PHKA1: variants seen among roughly 807,000 people sequenced by gnomAD.
The protein encoded by PHKA1 is phosphorylase b kinase regulatory subunit alpha, skeletal muscle isoform.
Under a neutral mutation model 110.2 loss-of-function variants are expected in PHKA1, and 60 were observed. That is an observed-to-expected ratio of 0.54 (90% CI 0.44 to 0.68). PHKA1 has a LOEUF of 0.68. Among genes scored for constraint, PHKA1 ranks in the 30% least tolerant of loss-of-function variants. The probability of loss-of-function intolerance (pLI) is 0.00; values close to 1 mark genes in which losing one functional copy is unlikely to be tolerated. For synonymous variants in PHKA1, 316 were observed against 333.6 expected, an observed-to-expected ratio of 0.95 and a Z score of 0.58; for missense variants, 801 against 942.5, an observed-to-expected ratio of 0.85 and a Z score of 1.97.
chrX:72,641,793 G>A (rs1429792107), intron 14 of PHKA1, among the ~76,000 whole-genome samples: 2 of 111,242 alleles, frequency 1.8e-5, no homozygotes, highest in East Asian at 5.6e-4. Flanking sequence ...TGAAACTGTT[G>A]CAATAATAGA....
intron 28 of PHKA1, chrX:72,593,517 AT>A: frequency 3.1e-6 from 1 of 322,415 alleles, no homozygotes; most frequent in Non-Finnish European, 5.5e-6. Context: ...AACTTTTTGT[AT>A]TTTTAGTAGA....
intron 6 of PHKA1, among the ~76,000 whole-genome samples, chrX:72,669,743 G>T (rs1315190891): frequency 9.1e-6 from 1 of 109,978 alleles, no homozygotes; most frequent in Non-Finnish European, 1.9e-5. Context: ...GTATTCCATG[G>T]TGTATATGTG....
chrX:72,656,098 A>T (rs1177606617), intron 10 of PHKA1, 22 bp downstream of exon 10: 1 of 1,207,975 alleles, frequency 8.3e-7, no homozygotes, highest in African/African-American at 1.7e-5. Context: ...TTCTGCTGAA[A>T]ACTCTTTCCC....
At chrX:72,704,820 G>A (rs1556331647) in intron 3 of PHKA1, among the ~76,000 whole-genome samples, 1 of 111,745 alleles carries the variant, frequency 8.9e-6, no homozygotes, top group East Asian at 2.8e-4. Flanking sequence ...CGAACTTATG[G>A]ACTCAAGCAA....
At chrX:72,627,728 T>G (rs1251685011) in intron 16 of PHKA1, among the ~76,000 whole-genome samples, 1 of 110,942 alleles carries the variant, frequency 9.0e-6, no homozygotes, top group Non-Finnish European at 1.9e-5. Flanking sequence ...ACTAAGTAAA[T>G]TTACAGAGAC....
chrX:72,650,445 A>C lies in PHKA1; in HGVS notation c.1269T>G (p.Ile423Met), dbSNP rs1556298623. 8.3e-7 allele frequency: 1 copy of C among 1,208,695 alleles called. No individual in the cohort carries two copies. The highest frequency in any genetic ancestry group is 1.7e-5 in the African/African-American group (1 of 57,775). ...MAEGFLAPGE[I>M]DPLNRRFSTV... ...TAGAAAACCTGCGATTCAGGGGATC[A>C]ATTTCTCCAGGGGCTAAAAATCCCT... The change falls in exon 13 of 32, where the codon ATT (isoleucine) becomes ATG (methionine). Residue 423 changes from isoleucine (I) to methionine (M), a missense_variant. Coordinates refer to ENST00000373542, the MANE Select transcript of PHKA1 (RefSeq NM_002637.4).
Position 72,580,659 on chromosome X carries a change from C to A in PHKA1, c.*343G>T. ...AATAAGTTATTATTAACACTTGCTC[C>A]CCAAACAGGAGTTAGAAAACTATAT... On this transcript the variant is annotated 3_prime_UTR_variant, in exon 32 of 32. Coordinates refer to ENST00000373542, the MANE Select transcript of PHKA1 (RefSeq NM_002637.4). The A allele has an allele frequency of 3.8e-6, 1 of 262,207 alleles. No homozygotes were observed. Among genetic ancestry groups the A allele is most frequent in the Non-Finnish European group, 6.7e-6 (1 of 148,561 alleles). The allele number at this position is 262,207 out of a possible 1,213,427, so 21.6% of individuals were successfully genotyped here.
chrX:72,639,159 T>C (rs1333978147), intron 14 of PHKA1, among the ~76,000 whole-genome samples: 2 of 112,374 alleles, frequency 1.8e-5, no homozygotes, highest in Admixed American at 1.9e-4. Flanking sequence ...GTACTTCTAA[T>C]TGTTGTTTTG....
At chrX:72,630,999 GTTT>G (rs146161152) in intron 16 of PHKA1, among the ~76,000 whole-genome samples, 11 of 44,669 alleles carry the variant, frequency 2.5e-4, no homozygotes, top group Admixed American at 9.8e-4. Flanking sequence ...ATTTTTTCAG[GTTT>G]TTTTTTTTTT....
chrX:72,674,139 T>C (rs1238917030), intron 6 of PHKA1, among the ~76,000 whole-genome samples: 37 of 110,291 alleles, frequency 3.4e-4, no homozygotes, highest in African/African-American at 9.9e-4. Context: ...CATGAACTCA[T>C]CATTTTTTAT....
At chrX:72,616,940 A>G (rs1556270143) in intron 21 of PHKA1, among the ~76,000 whole-genome samples, 1 of 112,187 alleles carries the variant, frequency 8.9e-6, no homozygotes, top group African/African-American at 3.2e-5. Flanking sequence ...AATTACAAAA[A>G]TTTCTTTTGG....
chrX:72,634,353 G>A lies in PHKA1; in HGVS notation c.1714+802C>T, dbSNP rs192410201. 2.9e-3 allele frequency among the ~76,000 whole-genome samples: 323 copies of A among 111,162 alleles called. 1 individual carries two copies. Among genetic ancestry groups the A allele is most frequent in the African/African-American group, 1.0e-2 (306 of 30,606 alleles). ...TGAGATGTGACCAAAATCCCTAACAGTCTGTCTGGATTTTGAATGATTAAT... is the reference window on the plus strand; with the variant it reads ...TGAGATGTGACCAAAATCCCTAACAATCTGTCTGGATTTTGAATGATTAAT... On this transcript the variant is annotated intron_variant, in intron 16 of 31. Transcript: ENST00000373542.
intron 14 of PHKA1, among the ~76,000 whole-genome samples, chrX:72,638,675 T>A (rs782151337): frequency 5.4e-5 from 6 of 111,359 alleles, no homozygotes; most frequent in Non-Finnish European, 1.1e-4. Flanking sequence ...TGAGGCTTTC[T>A]AAGAACTCGT....
At chrX:72,698,396 C>T (rs1834496577) in intron 3 of PHKA1, among the ~76,000 whole-genome samples, 1 of 112,149 alleles carries the variant, frequency 8.9e-6, no homozygotes, top group African/African-American at 3.2e-5. Context: ...TAAGTAAAAT[C>T]TGTAATAAAT....
At chrX:72,620,625 G>A (rs782562920) in intron 19 of PHKA1, 100 bp downstream of exon 19, 73 of 687,207 alleles carry the variant, frequency 1.1e-4, no homozygotes, top group Non-Finnish European at 1.6e-4. Context: ...AAGCAGTGAA[G>A]AAAACTAAAG....
intron 16 of PHKA1, among the ~76,000 whole-genome samples, chrX:72,628,906 C>T (rs1388953256): frequency 2.7e-5 from 3 of 110,553 alleles, no homozygotes; most frequent in Non-Finnish European, 3.8e-5. Context: ...CTAAGACTCT[C>T]ACAGGTTTAT....
chrX:72,669,715 A>C (rs1245310284), intron 6 of PHKA1, among the ~76,000 whole-genome samples: 4 of 109,172 alleles, frequency 3.7e-5, no homozygotes, highest in South Asian at 4.1e-4. Context: ...TGAACTCATC[A>C]TTTTTTATGG....
intron 2 of PHKA1, chrX:72,712,072 C>A (rs2054393713): frequency 8.9e-6 from 1 of 112,232 alleles, no homozygotes; most frequent in Non-Finnish European, 1.9e-5. Context: ...TTATAACTGA[C>A]AACAGAGTAC....
At chrX:72,703,817 T>C (rs958730654) in intron 3 of PHKA1, among the ~76,000 whole-genome samples, 2 of 112,529 alleles carry the variant, frequency 1.8e-5, no homozygotes, top group Non-Finnish European at 3.7e-5. Context: ...TCTGTGCCTG[T>C]AGGCAGTCAC....
Sources: gnomAD v4.1 joint callset for allele counts (sites outside exome capture counted in the v4.1 genomes callset) on GRCh38, gnomAD v4.1.1 for gene constraint, MANE v1.5 for transcripts, NCBI Gene and HGNC (gene_info 2026-07-23, HGNC 2026-07-21) for gene names.